The following PTPRD variants were observed in gnomAD, a reference collection of about 807,000 sequenced individuals.
PTPRD encodes the protein receptor-type tyrosine-protein phosphatase delta.
PTPRD carries 34 observed loss-of-function variants against 214.5 expected under a neutral mutation model. The observed-to-expected ratio is 0.16, with a 90% CI of 0.12 to 0.21. The LOEUF (loss-of-function observed/expected upper bound fraction) is 0.21, where lower values mean the gene tolerates loss of function less well. Among genes scored for constraint, PTPRD ranks in the 10% least tolerant of loss-of-function variants. The pLI is 1.00. For synonymous variants in PTPRD, 1,128 were observed against 845.7 expected (o/e 1.33, Z -5.79); for missense variants, 2,545 against 2,398.7 (o/e 1.06, Z -1.27).
At chr9:10,504,671 C>T (rs2045290448) in intron 2 of PTPRD, among the ~76,000 whole-genome samples, 1 of 152,116 alleles carries the variant, frequency 6.6e-6, no homozygotes, top group Admixed American at 6.5e-5. Flanking sequence ...CTTTTATCAG[C>T]ATTTTATAGA....
intron 9 of PTPRD, among the ~76,000 whole-genome samples, chr9:9,239,757 C>T (rs1260161358): frequency 6.6e-6 from 1 of 152,170 alleles, no homozygotes; most frequent in African/African-American, 2.4e-5. Flanking sequence ...TAGTCCTGTC[C>T]TCCCTGGCCC....
At chr9:9,019,395 A>G (rs994382668) in intron 10 of PTPRD, among the ~76,000 whole-genome samples, 1 of 152,176 alleles carries the variant, frequency 6.6e-6, no homozygotes, top group Non-Finnish European at 1.5e-5. Flanking sequence ...AGGGCTTATT[A>G]AACTTTTAAT....
At chr9:8,981,193 C>A (rs1387240835) in intron 11 of PTPRD, among the ~76,000 whole-genome samples, 2 of 151,896 alleles carry the variant, frequency 1.3e-5, no homozygotes, top group Non-Finnish European at 2.9e-5. Context: ...GAAAACACAT[C>A]TGCTGTATAC....
intron 19 of PTPRD, among the ~76,000 whole-genome samples, chr9:8,523,027 T>G (rs1451026539): frequency 6.6e-6 from 1 of 152,136 alleles, no homozygotes; most frequent in East Asian, 1.9e-4. Flanking sequence ...AAGCTAAGCA[T>G]GCCTCCTGCA....
intron 39 of PTPRD, among the ~76,000 whole-genome samples, chr9:8,351,136 G>T (rs2075324936): frequency 6.6e-6 from 1 of 152,108 alleles, no homozygotes; most frequent in Non-Finnish European, 1.5e-5. Context: ...CAGTTAAAAA[G>T]AATGAAGCGA....
Position 9,669,945 on chromosome 9 carries a change from C to T in PTPRD, c.-287+64588G>A, listed in dbSNP as rs569132706. ...AGTTATTAATTCATTTACCATATCC[C>T]TTTACAAATGTTCTAATTGCCCCTC... On this transcript the variant is annotated intron_variant, in intron 7 of 45. Coordinates refer to ENST00000381196, the MANE Select transcript of PTPRD (RefSeq NM_002839.4). Among the ~76,000 whole-genome samples, 34 of 152,270 alleles carry T rather than the reference C, an allele frequency of 2.2e-4. No individual in the cohort carries two copies. The East Asian group carries it at 6.4e-3, about 29-fold the overall frequency.
intron 2 of PTPRD, among the ~76,000 whole-genome samples, chr9:10,548,216 A>T (rs1231593743): frequency 6.6e-6 from 1 of 152,176 alleles, no homozygotes; most frequent in Non-Finnish European, 1.5e-5. Context: ...TTGACTCAAG[A>T]TTAGAACATA....
intron 11 of PTPRD, among the ~76,000 whole-genome samples, chr9:8,954,118 C>G (rs1256119787): frequency 6.6e-6 from 1 of 151,758 alleles, no homozygotes; most frequent in East Asian, 1.9e-4. Flanking sequence ...AATGGACTGG[C>G]TAAAGAAAAT....
chr9:9,699,888 A>G (rs1162323509), intron 7 of PTPRD, among the ~76,000 whole-genome samples: 2 of 152,184 alleles, frequency 1.3e-5, no homozygotes, highest in African/African-American at 4.8e-5. Flanking sequence ...TAGGGTTGCA[A>G]TGTTTTTCCC....
Position 8,486,329 on chromosome 9 carries a change from C to G in PTPRD, c.2488G>C (p.Val830Leu), listed in dbSNP as rs139820348. The G allele has an allele frequency of 1.9e-6, 3 of 1,613,948 alleles. No individual in the cohort carries two copies. In the African/African-American group the frequency reaches 4.0e-5, roughly 22 times the overall value. Residue 830 changes from valine (V) to leucine (L), a missense_variant, in exon 28 of 46, where the codon GTG (valine) becomes CTG (leucine). Transcript: ENST00000381196. ...TGAVPGKPRL[V>L]INHTQMNTAL... ...GTATTCATCTGAGTGTGGTTAATCA[C>G]AAGCCGAGGTTTCCCTGGAACTGGA...
At chr9:9,604,629 T>G (rs1191865640) in intron 7 of PTPRD, among the ~76,000 whole-genome samples, 1 of 152,092 alleles carries the variant, frequency 6.6e-6, no homozygotes, top group Non-Finnish European at 1.5e-5. Context: ...CTACCATTAC[T>G]ACTACATTTT....
At chr9:10,506,805 A>G (rs769625615) in intron 2 of PTPRD, among the ~76,000 whole-genome samples, 24 of 152,018 alleles carry the variant, frequency 1.6e-4, no homozygotes, top group Non-Finnish European at 2.5e-4. Flanking sequence ...AACGTACTTC[A>G]ATTTGGGTTT....
At chr9:9,574,835 T>A (rs984805391) in intron 7 of PTPRD, 54 bp from the exon 8 acceptor site, 2 of 152,210 alleles carry the variant, frequency 1.3e-5, no homozygotes, top group South Asian at 4.1e-4. Flanking sequence ...TCAATTTAAA[T>A]TAAAGAACCT....
At chr9:10,612,611 A>AG (rs531087049) in intron 1 of PTPRD, 77 bp downstream of exon 1, 1 of 152,134 alleles carries the variant, frequency 6.6e-6, no homozygotes, top group Admixed American at 6.6e-5. Context: ...TTCCGGAGGG[A>AG]GGGGGCAAAG....
intron 11 of PTPRD, among the ~76,000 whole-genome samples, chr9:8,937,241 A>G (rs1232110438): frequency 2.0e-5 from 3 of 152,198 alleles, no homozygotes; most frequent in Non-Finnish European, 4.4e-5. Context: ...GAGGCATGAA[A>G]ATATAGATAA....
In PTPRD at chr9:10,156,185, T is replaced by C. The variant is rs141050262; in HGVS notation, c.-544-122395A>G. Among the ~76,000 whole-genome samples the C allele has an allele frequency of 6.6e-4, 100 of 151,428 alleles. 1 individual carries two copies. The highest frequency in any genetic ancestry group is 1.9e-3 in the African/African-American group (80 of 41,310). On this transcript the variant is annotated intron_variant, in intron 3 of 45. Coordinates refer to ENST00000381196, the MANE Select transcript of PTPRD (RefSeq NM_002839.4). ...TTCTTGTCTTCTGCCAGCTTTGGCATTGGTTTACTCTTGGTTCTCTAGCTC... is the reference window on the plus strand; with the variant it reads ...TTCTTGTCTTCTGCCAGCTTTGGCACTGGTTTACTCTTGGTTCTCTAGCTC...
chr9:10,493,230 C>A (rs543058799), intron 2 of PTPRD, among the ~76,000 whole-genome samples: 26 of 152,128 alleles, frequency 1.7e-4, no homozygotes, highest in African/African-American at 5.8e-4. Flanking sequence ...ACTTTCTTCA[C>A]AGAATTAGAA....
At chr9:9,455,931 T>G (rs1002826844) in intron 8 of PTPRD, among the ~76,000 whole-genome samples, 1 of 151,746 alleles carries the variant, frequency 6.6e-6, no homozygotes, top group African/African-American at 2.4e-5. Flanking sequence ...TAACTGCTCC[T>G]TAATTGATTA....
intron 8 of PTPRD, among the ~76,000 whole-genome samples, chr9:9,524,400 A>G (rs2073509131): frequency 6.6e-6 from 1 of 152,136 alleles, no homozygotes; most frequent in Non-Finnish European, 1.5e-5. Context: ...TATTTTGCTT[A>G]TTTAAATATT....
Sources: gnomAD v4.1 joint callset for allele counts (sites outside exome capture counted in the v4.1 genomes callset) on GRCh38, gnomAD v4.1.1 for gene constraint, MANE v1.5 for transcripts, NCBI Gene and HGNC (gene_info 2026-07-23, HGNC 2026-07-21) for gene names.